Variants in HIBADH observed in about 807,000 individuals in gnomAD.
HIBADH encodes 3-hydroxyisobutyrate dehydrogenase, also known as 3-hydroxyisobutyrate dehydrogenase, mitochondrial.
HIBADH carries 25 observed loss-of-function variants against 36.1 expected under a neutral mutation model. The observed-to-expected ratio is 0.69, with a 90% CI of 0.50 to 0.97. The LOEUF is 0.97. HIBADH is among the 50% of genes least tolerant of loss of function. The pLI is 0.00. For missense variants in HIBADH, 421 were observed against 418.0 expected (o/e 1.01, Z -0.06); for synonymous variants, 160 against 149.5 (o/e 1.07, Z -0.51).
At chr7:27,544,687 A>G (rs1298477095) in intron 4 of HIBADH, among the ~76,000 whole-genome samples, 2 of 152,228 alleles carry the variant, frequency 1.3e-5, no homozygotes, top group Non-Finnish European at 2.9e-5. Flanking sequence ...TAAGTAGACG[A>G]TTTAAGTCAA....
chr7:27,561,350 T>C (rs1784464344), intron 4 of HIBADH, among the ~76,000 whole-genome samples: 1 of 152,156 alleles, frequency 6.6e-6, no homozygotes, highest in African/African-American at 2.4e-5. Flanking sequence ...AGTTCTAACA[T>C]TTTTTCTTAT....
intron 1 of HIBADH, among the ~76,000 whole-genome samples, chr7:27,656,915 G>A (rs1786317540): frequency 2.6e-5 from 4 of 152,188 alleles, no homozygotes; most frequent in Admixed American, 2.6e-4. Context: ...GGTAAACAGT[G>A]TCACAGCAAC....
chr7:27,577,048 T>TA (rs1784720664), intron 4 of HIBADH, among the ~76,000 whole-genome samples: 1 of 151,886 alleles, frequency 6.6e-6, no homozygotes, highest in Non-Finnish European at 1.5e-5. Flanking sequence ...TTAACAACTG[T>TA]AAAAAACAAA....
At chr7:27,589,753 A>G (rs1784913646) in intron 4 of HIBADH, among the ~76,000 whole-genome samples, 1 of 152,196 alleles carries the variant, frequency 6.6e-6, no homozygotes, top group Non-Finnish European at 1.5e-5. Flanking sequence ...TAAAATGAAG[A>G]GAGTTATGTT....
chr7:27,650,684 A>C (rs1218010117), intron 1 of HIBADH, among the ~76,000 whole-genome samples: 1 of 147,666 alleles, frequency 6.8e-6, no homozygotes, highest in Non-Finnish European at 1.5e-5. Context: ...ATAGAGACAG[A>C]GTTTCACCAT....
At chr7:27,566,403 C>G (rs1172315427) in intron 4 of HIBADH, among the ~76,000 whole-genome samples, 1 of 151,776 alleles carries the variant, frequency 6.6e-6, no homozygotes, top group Non-Finnish European at 1.5e-5. Flanking sequence ...TTCATTTACA[C>G]TGCAAAATTT....
intron 2 of HIBADH, among the ~76,000 whole-genome samples, chr7:27,646,689 ATTTT>A (rs34491908): frequency 2.7e-5 from 2 of 74,852 alleles, no homozygotes; most frequent in African/African-American, 5.9e-5. Flanking sequence ...CACGCCCAGC[ATTTT>A]TTTTTTTTTT....
rs548479367 is a variant in HIBADH at position 27,603,488 on chromosome 7, A to G, written c.484+25883T>C. Among the ~76,000 whole-genome samples the G allele has an allele frequency of 2.6e-5, 4 of 152,246 alleles. No individual in the cohort carries two copies. The South Asian group carries it at 8.3e-4, about 32-fold the overall frequency. On this transcript the variant is annotated intron_variant, in intron 4 of 7. Coordinates refer to ENST00000265395, the MANE Select transcript of HIBADH (RefSeq NM_152740.4). The stretch of plus-strand genomic sequence containing the variant: ...TTTATTTTTTTAACCATAAAATATT[A>G]CACATGCAGATACAGTAAGTCATTG...
intron 4 of HIBADH, among the ~76,000 whole-genome samples, chr7:27,567,412 C>G (rs974307167): frequency 6.6e-6 from 1 of 152,000 alleles, no homozygotes; most frequent in East Asian, 1.9e-4. Context: ...ACATTTTGGT[C>G]TCTTTTTTAA....
chr7:27,572,767 C>G (rs973708687), intron 4 of HIBADH, among the ~76,000 whole-genome samples: 1 of 152,170 alleles, frequency 6.6e-6, no homozygotes, highest in African/African-American at 2.4e-5. Flanking sequence ...AACCCACTCT[C>G]AGCTCTTCAG....
At chr7:27,563,232 A>G (rs1344272381) in intron 4 of HIBADH, among the ~76,000 whole-genome samples, 3 of 152,230 alleles carry the variant, frequency 2.0e-5, no homozygotes, top group Non-Finnish European at 2.9e-5. Flanking sequence ...TGTGGGTATC[A>G]GCAGCATATC....
chr7:27,643,466 AC>A (rs1324056993), intron 2 of HIBADH, among the ~76,000 whole-genome samples: 2 of 152,186 alleles, frequency 1.3e-5, no homozygotes, highest in Non-Finnish European at 2.9e-5. Flanking sequence ...TGCATAATTA[AC>A]TCACTTAATC....
chr7:27,572,226 C>A (rs922268249), intron 4 of HIBADH, among the ~76,000 whole-genome samples: 7 of 152,160 alleles, frequency 4.6e-5, no homozygotes, highest in Admixed American at 3.9e-4. Flanking sequence ...CAGATTACTA[C>A]TCGATTATTT....
intron 4 of HIBADH, among the ~76,000 whole-genome samples, chr7:27,617,148 G>A (rs148567749): frequency 2.0e-4 from 31 of 152,198 alleles, no homozygotes; most frequent in African/African-American, 6.7e-4. Flanking sequence ...CCCTATACAG[G>A]TGTGCCATTT....
chr7:27,552,078 A>C (rs1371778035), intron 4 of HIBADH, among the ~76,000 whole-genome samples: 3 of 152,226 alleles, frequency 2.0e-5, no homozygotes, highest in African/African-American at 7.2e-5. Flanking sequence ...GAAAGTAATC[A>C]ACAAATTTAA....
At chr7:27,528,624 A>G (rs1277297050) in intron 7 of HIBADH, among the ~76,000 whole-genome samples, 1 of 152,232 alleles carries the variant, frequency 6.6e-6, no homozygotes, top group African/African-American at 2.4e-5. Context: ...AGGAAGCTGC[A>G]GAAGACGTGT....
At chr7:27,640,724 G>C (rs1785945006) in intron 2 of HIBADH, among the ~76,000 whole-genome samples, 1 of 152,138 alleles carries the variant, frequency 6.6e-6, no homozygotes, top group South Asian at 2.1e-4. Context: ...ACGAACATCA[G>C]AGAGAGCACT....
intron 1 of HIBADH, among the ~76,000 whole-genome samples, chr7:27,659,145 T>C (rs576599424): frequency 5.9e-5 from 9 of 152,228 alleles, no homozygotes; most frequent in Non-Finnish European, 1.0e-4. Context: ...TTTCTATACA[T>C]GATGCTAATT....
chr7:27,623,618 G>C (rs942326710), intron 4 of HIBADH, among the ~76,000 whole-genome samples: 7 of 152,150 alleles, frequency 4.6e-5, no homozygotes, highest in Admixed American at 1.3e-4. Context: ...TGATCTAGCC[G>C]AGAAGAACAT....
Sources: allele counts gnomAD v4.1 joint callset (sites outside exome capture counted in the v4.1 genomes callset), GRCh38; gene constraint gnomAD v4.1.1; transcripts MANE v1.5; gene names NCBI Gene and HGNC (gene_info 2026-07-23, HGNC 2026-07-21).